The following BRCA2 variants were observed in gnomAD, a reference collection of about 807,000 sequenced individuals.
BRCA2 encodes the protein breast cancer type 2 susceptibility protein.
A neutral mutation model predicts 276.7 loss-of-function variants in BRCA2; 203 were observed. The ratio of observed to expected loss-of-function variants is 0.73; its 90% CI spans 0.65 to 0.82. The LOEUF (loss-of-function observed/expected upper bound fraction) is 0.82. BRCA2 is among the 40% of genes least tolerant of loss of function. The pLI is 0.00. For synonymous variants in BRCA2, 1,289 were observed against 1,338.4 expected (o/e 0.96, Z 0.81); for missense variants, 3,920 against 3,915.0 (o/e 1.00, Z -0.03).
chr13:32,362,872 C>T (rs2072750747), intron 17 of BRCA2, among the ~76,000 whole-genome samples, 179 bp downstream of exon 17: 1 of 152,164 alleles, frequency 6.6e-6, no homozygotes, highest in South Asian at 2.1e-4. Context: ...CACATTCATG[C>T]ATTGCTTGCT....
At chr13:32,329,067 T>C (rs1330110526) in intron 7 of BRCA2, among the ~76,000 whole-genome samples, 6 of 152,194 alleles carry the variant, frequency 3.9e-5, no homozygotes, top group African/African-American at 7.2e-5. Flanking sequence ...ATTTTGAAAA[T>C]ATGTATTTAA....
rs972466268 is a variant in BRCA2, at chr13:32,317,109, G to A, written c.67+582G>A. Among the ~76,000 whole-genome samples, 10 of 152,232 alleles carry A rather than the reference G, an allele frequency of 6.6e-5. No homozygotes were observed. The East Asian group carries it at 1.9e-3, about 29-fold the overall frequency. ...AGCTACACGGGAGGTGGAGGCAGGA[G>A]AATCGCTTGAACCCTGGAGGCAGAG... On this transcript the variant is annotated intron_variant, in intron 2 of 26. Transcript: ENST00000380152.
At position 32,399,180 on chromosome 13, in the gene BRCA2, G is replaced by T. The variant is rs2137670246; in HGVS notation, c.*410G>T. 4.3e-6 allele frequency: 1 copy of T among 230,816 alleles called. No individual in the cohort carries two copies. The highest frequency in any genetic ancestry group is 8.5e-6 in the Non-Finnish European group (1 of 117,456). The allele number at this position is 230,816 out of a possible 1,614,324, so 14.3% of individuals were successfully genotyped here. Reference sequence around the variant, plus strand: ...GGAAAAGAAAATCTTTTAAATCTTTGGATTTGATCACTACAAGTATTATTT... The same window carrying T: ...GGAAAAGAAAATCTTTTAAATCTTTTGATTTGATCACTACAAGTATTATTT... On this transcript the variant is annotated 3_prime_UTR_variant, in exon 27 of 27. Transcript: ENST00000380152.
chr13:32,369,774 A>G (rs1391885470), intron 18 of BRCA2, among the ~76,000 whole-genome samples: 1 of 152,146 alleles, frequency 6.6e-6, no homozygotes, highest in Non-Finnish European at 1.5e-5. Flanking sequence ...GGGTTTCACC[A>G]TGTTGGCCCG....
At chr13:32,395,347 C>A (rs372880818) in intron 25 of BRCA2, among the ~76,000 whole-genome samples, 63 of 151,950 alleles carry the variant, frequency 4.1e-4, no homozygotes, top group African/African-American at 1.4e-3. Context: ...TGATTTAATC[C>A]CAGATAAGAG....
At chr13:32,327,613 TG>T (rs2072359399) in intron 7 of BRCA2, among the ~76,000 whole-genome samples, 2 of 149,608 alleles carry the variant, frequency 1.3e-5, no homozygotes, top group African/African-American at 4.9e-5. Context: ...GATCTTGTAG[TG>T]ATCTGAGATC....
intron 13 of BRCA2, among the ~76,000 whole-genome samples, chr13:32,347,834 C>T (rs190901385): frequency 2.8e-4 from 43 of 152,206 alleles, no homozygotes; most frequent in African/African-American, 1.0e-3. Context: ...GTCACCAGAC[C>T]AGGAAGTTAA....
intron 24 of BRCA2, among the ~76,000 whole-genome samples, chr13:32,382,809 C>G (rs1470963006): frequency 6.6e-6 from 1 of 152,064 alleles, no homozygotes; most frequent in African/African-American, 2.4e-5. Context: ...AGGTAAAATG[C>G]AAGATGGAAG....
intron 20 of BRCA2, among the ~76,000 whole-genome samples, chr13:32,375,812 G>A (rs929256829): frequency 1.3e-5 from 2 of 151,798 alleles, no homozygotes; most frequent in Non-Finnish European, 2.9e-5. Flanking sequence ...CACCCGCCTC[G>A]GCCTCCCAAA....
At position 32,355,341 on chromosome 13, in the gene BRCA2, C is replaced by T. The variant is rs11147489; in HGVS notation, c.7435+53C>T. ...TTTTTGCCTTTCAGTTAGATATTTC[C>T]GTTGTTAAATAATGTCCTGATGGTT... is the stretch of plus-strand genomic sequence containing the variant. On this transcript the variant is annotated intron_variant, in intron 14 of 26. Transcript: ENST00000380152. 0.042 allele frequency: 66,080 copies of T among 1,587,692 alleles called. 2,142 individuals are homozygous for T. Among genetic ancestry groups the T allele is most frequent in the East Asian group, 0.12 (5,277 of 44,256 alleles).
In BRCA2 at chr13:32,356,317, G is replaced by A. The variant is rs539985338; in HGVS notation, c.7436-111G>A. The stretch of plus-strand genomic sequence containing the variant: ...ACTCCCGACCTCAGATGATCTGCCC[G>A]CCTCAGCCTCCCAAAGTGCTGGGAT... On this transcript the variant is annotated intron_variant, in intron 14 of 26. Coordinates refer to ENST00000380152, the MANE Select transcript of BRCA2 (RefSeq NM_000059.4). 1.6e-4 allele frequency: 177 copies of A among 1,072,822 alleles called. 1 individual carries two copies. Among genetic ancestry groups the A allele is most frequent in the South Asian group, 1.5e-3 (116 of 75,198 alleles). 66.5% of individuals were successfully genotyped at this position (1,072,822 alleles called of 1,614,324 possible).
intron 24 of BRCA2, among the ~76,000 whole-genome samples, chr13:32,382,278 T>C (rs1323468444): frequency 6.6e-6 from 1 of 152,148 alleles, no homozygotes; most frequent in Non-Finnish European, 1.5e-5. Context: ...TTTAAAGCCG[T>C]GAGACTGGAT....
chr13:32,356,594 G>A lies in BRCA2; in HGVS notation c.7602G>A (p.Ala2534=), dbSNP rs81002826. 6.2e-6 allele frequency: 10 copies of A among 1,613,996 alleles called. No homozygotes were observed. The highest frequency in any genetic ancestry group is 4.0e-5 in the African/African-American group (3 of 74,928). ...CAGTAGGAGGCCAAGTTCCCTCTGCGTGTTCTCATAAACAGGTATGTGTTT... is the reference window on the plus strand; with the variant it reads ...CAGTAGGAGGCCAAGTTCCCTCTGCATGTTCTCATAAACAGGTATGTGTTT... The part of the protein sequence containing the change: ...KAAVGGQVPS[A]CSHKQLYTYG... The change falls in exon 15 of 27, where the codon GCG becomes GCA. Residue 2534 remains alanine (A), a synonymous_variant. Transcript: ENST00000380152.
At chr13:32,371,888 A>G (rs780500440) in intron 20 of BRCA2, among the ~76,000 whole-genome samples, 5 of 152,362 alleles carry the variant, frequency 3.3e-5, no homozygotes, top group Non-Finnish European at 7.3e-5. Context: ...AAAAAAAACA[A>G]TGCACATACC....
chr13:32,335,722 T>C (rs1478821631), intron 10 of BRCA2, among the ~76,000 whole-genome samples: 2 of 152,118 alleles, frequency 1.3e-5, no homozygotes, highest in African/African-American at 4.8e-5. Flanking sequence ...TTTGATTGAG[T>C]TGGTAACTAT....
At position 32,337,243 on chromosome 13, in the gene BRCA2, T is replaced by C. The variant is rs2137490945; in HGVS notation, c.2888T>C (p.Ile963Thr). The change falls in exon 11 of 27, where the codon ATA becomes ACA. Residue 963 changes from isoleucine to threonine, a missense_variant. Physicochemically the swap from Ile to Thr is moderately conservative, Grantham distance 89 (BLOSUM62 -1). Transcript: ENST00000380152. ...EENKNSVKQH[I>T]KMTLGQDLKS... ...AACAAAAATAGTGTAAAGCAGCATA[T>C]AAAAATGACTCTAGGTCAAGATTTA... The C allele has an allele frequency of 2.5e-6, 4 of 1,611,754 alleles. No homozygotes were observed. Among genetic ancestry groups the C allele is most frequent in the Non-Finnish European group, 3.4e-6 (4 of 1,179,348 alleles).
At chr13:32,355,359 T>C in intron 14 of BRCA2, 71 bp downstream of exon 14, 1 of 1,545,174 alleles carries the variant, frequency 6.5e-7, no homozygotes, top group South Asian at 1.2e-5. Context: ...AATAATGTCC[T>C]GATGGTTTTC....
intron 16 of BRCA2, among the ~76,000 whole-genome samples, chr13:32,362,269 A>G (rs751824770): frequency 5.3e-5 from 8 of 152,258 alleles, no homozygotes; most frequent in East Asian, 3.9e-4. Context: ...GCCTCAAGCA[A>G]TCCTCCTGCC....
chr13:32,334,378 G>A (rs1001339399), intron 10 of BRCA2, among the ~76,000 whole-genome samples: 3 of 151,990 alleles, frequency 2.0e-5, no homozygotes, highest in Admixed American at 6.6e-5. Flanking sequence ...TTTCTCTAAA[G>A]CATGTTAAAA....
Sources: gnomAD v4.1 joint callset for allele counts (sites outside exome capture counted in the v4.1 genomes callset) on GRCh38, gnomAD v4.1.1 for gene constraint, MANE v1.5 for transcripts, NCBI Gene and HGNC (gene_info 2026-07-23, HGNC 2026-07-21) for gene names.